PNPLA7: variants seen among roughly 807,000 people sequenced by gnomAD.
PNPLA7 encodes the protein patatin-like phospholipase domain-containing protein 7.
In PNPLA7, 153 loss-of-function variants were observed where a neutral mutation model predicts 161.7. That is an observed-to-expected ratio of 0.95 (90% CI 0.83 to 1.08). PNPLA7 has a LOEUF of 1.08. Among genes scored for constraint, PNPLA7 ranks in the 50% least tolerant of loss-of-function variants. The pLI is 0.00. For missense variants in PNPLA7, 1,739 were observed against 1,856.6 expected (o/e 0.94, Z 1.16); for synonymous variants, 809 against 782.1 (o/e 1.03, Z -0.57).
At chr9:137,511,248 C>T (rs1293493719) in intron 12 of PNPLA7, among the ~76,000 whole-genome samples, 6 of 150,600 alleles carry the variant, frequency 4.0e-5, no homozygotes, top group Non-Finnish European at 5.9e-5. Context: ...GGAAGGCACC[C>T]GTTACTTAGT....
chr9:137,546,651 C>T (rs202205651), intron 4 of PNPLA7, among the ~76,000 whole-genome samples, 179 bp downstream of exon 4: 37 of 152,242 alleles, frequency 2.4e-4, no homozygotes, highest in East Asian at 2.1e-3. Context: ...AGACACCATT[C>T]GGCACAATTT....
chr9:137,478,327 A>G, intron 24 of PNPLA7, 175 bp from the exon 25 acceptor site: 1 of 433,610 alleles, frequency 2.3e-6, no homozygotes, highest in Non-Finnish European at 3.8e-6. Flanking sequence ...CAGTGCCCGG[A>G]CCGGGCCCCA....
At chr9:137,508,384 G>C (rs1461228786) in intron 12 of PNPLA7, among the ~76,000 whole-genome samples, 1 of 151,872 alleles carries the variant, frequency 6.6e-6, no homozygotes, top group East Asian at 1.9e-4. Flanking sequence ...TGGCTAACAC[G>C]GTGAAACCCC....
At chr9:137,488,417 G>A (rs1446626689) in intron 20 of PNPLA7, among the ~76,000 whole-genome samples, 1 of 152,214 alleles carries the variant, frequency 6.6e-6, no homozygotes, top group African/African-American at 2.4e-5. Flanking sequence ...AAAAGCACTG[G>A]TGAGGTTCTG....
At chr9:137,518,905 G>A (rs982233372) in intron 11 of PNPLA7, among the ~76,000 whole-genome samples, 19 of 92,112 alleles carry the variant, frequency 2.1e-4, no homozygotes, top group African/African-American at 4.9e-4. Context: ...ACTCCACTCT[G>A]CTCACTCCAT....
chr9:137,485,924 T>C (rs11137268), intron 20 of PNPLA7, among the ~76,000 whole-genome samples: 85,051 of 151,934 alleles, frequency 0.56, 24,079 homozygotes, highest in East Asian at 0.66. Context: ...CTTTACTGGA[T>C]GCCGTCTGGC....
At position 137,468,556 on chromosome 9, in the gene PNPLA7, C is replaced by T. The variant is rs1564284266; in HGVS notation, c.2883-1083G>A. 6.6e-6 allele frequency among the ~76,000 whole-genome samples: 1 copy of T among 152,118 alleles called. No individual in the cohort carries two copies. The highest frequency in any genetic ancestry group is 1.5e-5 in the Non-Finnish European group (1 of 68,020). On this transcript the variant is annotated intron_variant, in intron 25 of 34. Coordinates refer to ENST00000406427, the MANE Select transcript of PNPLA7 (RefSeq NM_001098537.3). The surrounding 1 kb of genome is among the most constrained non-coding windows in gnomAD (Gnocchi z 4.0). ...CTGGGGGGGACCCTGGAGGCATTTGCTGTGGTTTAGCTCTCTGTCCCCACC... is the reference window on the plus strand; with the variant it reads ...CTGGGGGGGACCCTGGAGGCATTTGTTGTGGTTTAGCTCTCTGTCCCCACC...
rs142091055 is a variant in PNPLA7, at chr9:137,498,175, C to T, written c.1828G>A (p.Val610Met). 3.2e-5 allele frequency: 51 copies of T among 1,612,834 alleles called. No individual in the cohort carries two copies. Among genetic ancestry groups the T allele is most frequent in the Middle Eastern group, 1.6e-4 (1 of 6,082 alleles). ...TCCAGGGCAAAGTCGATTTGCCGCA[C>T]GAAGGACGACATCCTCTTCACCACA... Reference protein sequence around the residue: ...HTVVKRMSSFVRQIDFALDWV... With the variant: ...HTVVKRMSSFMRQIDFALDWV... The change falls in exon 17 of 35, where the codon GTG (valine) becomes ATG (methionine). Residue 610 changes from valine to methionine, a missense_variant. Val to Met is a conservative substitution (Grantham distance 21, BLOSUM62 1). Coordinates refer to ENST00000406427, the MANE Select transcript of PNPLA7 (RefSeq NM_001098537.3).
intron 8 of PNPLA7, among the ~76,000 whole-genome samples, chr9:137,527,190 CA>C (rs1465545272): frequency 1.3e-5 from 1 of 74,158 alleles, no homozygotes; most frequent in African/African-American, 8.4e-5. Context: ...TTGCTTGAAT[CA>C]GAGGGGGCGG....
In PNPLA7 at chr9:137,478,940, A is replaced by T. The variant is rs992397464; in HGVS notation, c.2763+116T>A. The T allele has an allele frequency of 9.2e-5, 118 of 1,285,164 alleles. 1 individual carries two copies. The highest frequency in any genetic ancestry group is 1.2e-4 in the Non-Finnish European group (115 of 960,954). The allele number at this position is 1,285,164 out of a possible 1,614,324, so 79.6% of individuals were successfully genotyped here. ...GCAGGGTCACGTTCACAAGCACAGG[A>T]AGGGCCCAGGAGCGCAGGTGTCAGG... On this transcript the variant is annotated intron_variant, in intron 24 of 34. Coordinates refer to ENST00000406427, the MANE Select transcript of PNPLA7 (RefSeq NM_001098537.3).
intron 8 of PNPLA7, among the ~76,000 whole-genome samples, chr9:137,529,656 G>GTTTTTTTTTTTT: frequency 8.4e-6 from 1 of 119,134 alleles, no homozygotes; most frequent in Non-Finnish European, 1.7e-5. Context: ...TTGAATCTTT[G>GTTTTTTTTTTTT]TTTTTTTTTT....
At chr9:137,518,353 TC>T (rs1415184295) in intron 11 of PNPLA7, among the ~76,000 whole-genome samples, 1 of 64,502 alleles carries the variant, frequency 1.6e-5, no homozygotes, top group African/African-American at 7.5e-5. Flanking sequence ...GCTCACTCCA[TC>T]CCCCACTCAC....
intron 20 of PNPLA7, chr9:137,491,431 C>G (rs1326916971): frequency 1.0e-6 from 1 of 958,106 alleles, no homozygotes; most frequent in Non-Finnish European, 1.2e-6. Flanking sequence ...AACACATGAT[C>G]CAACCGGACA....
rs1047994179 is a variant in PNPLA7, at chr9:137,486,117, C to T, written c.2198-1381G>A. 6.6e-5 allele frequency among the ~76,000 whole-genome samples: 10 copies of T among 151,972 alleles called. No homozygotes were observed. The highest frequency in any genetic ancestry group is 4.2e-4 in the South Asian group (2 of 4,810). ...AGGCTGTCCCCTGGCCTATGTCTCC[C>T]GTCCCCAGTGAGGTGGCTTCCAAAA... On this transcript the variant is annotated intron_variant, in intron 20 of 34. Coordinates refer to ENST00000406427, the MANE Select transcript of PNPLA7 (RefSeq NM_001098537.3). This position sits in a 1 kb window ranked among gnomAD's most constrained non-coding sequence, Gnocchi z 6.0.
intron 11 of PNPLA7, chr9:137,516,528 G>A: frequency 1.0e-6 from 1 of 985,374 alleles, no homozygotes; most frequent in Non-Finnish European, 1.2e-6. Flanking sequence ...ACACTTTGAG[G>A]CCAGGTGCAG....
chr9:137,479,919 C>T (rs1832128733), intron 23 of PNPLA7: 1 of 983,756 alleles, frequency 1.0e-6, no homozygotes, highest in East Asian at 1.1e-4. Context: ...GAAAACTAAG[C>T]AGCCAGAAAA....
At chr9:137,510,286 G>A (rs28872220) in intron 12 of PNPLA7, among the ~76,000 whole-genome samples, 4,593 of 152,166 alleles carry the variant, frequency 0.03, 235 homozygotes, top group African/African-American at 0.1. Flanking sequence ...ACAGTTATCC[G>A]GAGGCCTAAC....
In PNPLA7 at chr9:137,462,853, G is replaced by T; in HGVS notation, c.3344-20C>A. ...CATCCGCTAGGGAGAAGCCAGCCCT[G>T]GTTACCCCCTGGACAGGCATGCAGA... On this transcript the variant is annotated intron_variant, in intron 29 of 34. Coordinates refer to ENST00000406427, the MANE Select transcript of PNPLA7 (RefSeq NM_001098537.3). 2 of 1,612,956 alleles carry T rather than the reference G, an allele frequency of 1.2e-6. No homozygotes were observed. Among genetic ancestry groups the T allele is most frequent in the Non-Finnish European group, 1.7e-6 (2 of 1,179,482 alleles).
In PNPLA7 at chr9:137,547,524, G is replaced by C; in HGVS notation, c.105+61C>G. ...GAATGAGCCAGGGGATGGGGACAGG[G>C]AGAGGTGAAAAAGGCCACGGCCCAT... On this transcript the variant is annotated intron_variant, in intron 2 of 34. Transcript: ENST00000406427. The surrounding 1 kb of genome is among the most constrained non-coding windows in gnomAD (Gnocchi z 4.6). 1.3e-6 allele frequency: 2 copies of C among 1,599,016 alleles called. No homozygotes were observed. Among genetic ancestry groups the C allele is most frequent in the East Asian group, 2.2e-5 (1 of 44,810 alleles).
Sources: gnomAD v4.1 joint callset for allele counts (sites outside exome capture counted in the v4.1 genomes callset) on GRCh38, gnomAD v4.1.1 for gene constraint, Gnocchi (gnomAD v3.1) non-coding constraint, MANE v1.5 for transcripts, NCBI Gene and HGNC (gene_info 2026-07-23, HGNC 2026-07-21) for gene names.